Variants in RADIL observed in about 807,000 individuals in gnomAD.
The protein encoded by RADIL is Rap associating with DIL domain, also known as ras-associating and dilute domain-containing protein.
In RADIL, 99 loss-of-function variants were observed where a neutral mutation model predicts 97.6. The ratio of observed to expected loss-of-function variants is 1.01; its 90% CI spans 0.86 to 1.20. RADIL has a LOEUF of 1.20. Ranked by LOEUF, RADIL falls within the 50% of genes most tolerant of loss-of-function variation. The pLI is 0.00. For synonymous variants in RADIL, 803 were observed against 691.8 expected, an observed-to-expected ratio of 1.16 and a Z score of -2.52; for missense variants, 1,765 against 1,498.9, an observed-to-expected ratio of 1.18 and a Z score of -2.93.
rs915180074 is a variant in RADIL, at chr7:4,840,860, G to C, written c.536-4255C>G. Among the ~76,000 whole-genome samples, 5 of 152,144 alleles carry C rather than the reference G, an allele frequency of 3.3e-5. No homozygotes were observed. Among genetic ancestry groups the C allele is most frequent in the Non-Finnish European group, 7.4e-5 (5 of 68,024 alleles). ...TGGGCGCCTGTAGTCCCGGCTACTC[G>C]AGAGGCTGAGGCAGGAGAATGGCTT... On this transcript the variant is annotated intron_variant, in intron 2 of 14. Transcript: ENST00000399583. The surrounding 1 kb of genome is among the most constrained non-coding windows in gnomAD (Gnocchi z 5.6).
chr7:4,862,096 C>G (rs1042576789), intron 2 of RADIL: 1 of 355,178 alleles, frequency 2.8e-6, no homozygotes, highest in Non-Finnish European at 5.0e-6. Flanking sequence ...CCACAGCGTT[C>G]TGGGCTGGGG....
chr7:4,866,352 T>A (rs1171620690), intron 2 of RADIL, among the ~76,000 whole-genome samples: 1 of 152,208 alleles, frequency 6.6e-6, no homozygotes. Flanking sequence ...CATTTATTTA[T>A]AAATCCATGA....
At chr7:4,845,027 A>G (rs958873627) in intron 2 of RADIL, among the ~76,000 whole-genome samples, 1 of 140,454 alleles carries the variant, frequency 7.1e-6, no homozygotes, top group Non-Finnish European at 1.5e-5. Context: ...GGGTGTTAGA[A>G]TTTGACCTAC....
chr7:4,856,556 T>C (rs923722024), intron 2 of RADIL, among the ~76,000 whole-genome samples: 7 of 152,364 alleles, frequency 4.6e-5, no homozygotes, highest in Admixed American at 4.6e-4. Flanking sequence ...CATTATCTGA[T>C]GAACAAAATC....
At chr7:4,832,061 C>T (rs1334050714) in intron 5 of RADIL, 80 bp downstream of exon 5, 102 of 1,485,540 alleles carry the variant, frequency 6.9e-5, no homozygotes, top group Non-Finnish European at 8.6e-5. Context: ...GGAGACCCCT[C>T]GGGACTTGGC....
chr7:4,879,037 G>T lies in RADIL; in HGVS notation c.-64-834C>A, dbSNP rs764078910. ...ATCTACCCCTCAGGGCAAGAGACCC[G>T]TCCTGGCTTGAAGGAGATACTCCCT... On this transcript the variant is annotated intron_variant, in intron 1 of 14. Transcript: ENST00000399583. This position sits in a 1 kb window ranked among gnomAD's most constrained non-coding sequence, Gnocchi z 4.1. Among the ~76,000 whole-genome samples, 1 of 152,198 alleles carries T rather than the reference G, an allele frequency of 6.6e-6. No individual in the cohort carries two copies. The highest frequency in any genetic ancestry group is 2.4e-5 in the African/African-American group (1 of 41,446).
Position 4,845,066 on chromosome 7 carries a change from G to A in RADIL, c.536-8461C>T, listed in dbSNP as rs138689955. On this transcript the variant is annotated intron_variant, in intron 2 of 14. Coordinates refer to ENST00000399583, the MANE Select transcript of RADIL (RefSeq NM_018059.5). ...GGAAAAAAAAAAGGAAGAAAGAAGC[G>A]AGAGGTGTCCTGTATATGAAAATTA... Among the ~76,000 whole-genome samples, 82 of 151,894 alleles carry A rather than the reference G, an allele frequency of 5.4e-4. No homozygotes were observed. The East Asian group carries it at 0.011, about 20-fold the overall frequency.
rs1782084599 is a variant in RADIL, at chr7:4,801,555, C to G, written c.2842+98G>C. On this transcript the variant is annotated intron_variant, in intron 12 of 14. Transcript: ENST00000399583. ...GGTGTCTGTGGGGCAGGTAAGGAAA[C>G]CTAGGACCCAAGGGGGGAACGATCC... 3 of 1,341,836 alleles carry G rather than the reference C, an allele frequency of 2.2e-6. No individual in the cohort carries two copies. In the South Asian group the frequency reaches 4.0e-5, roughly 18 times the overall value. The allele number at this position is 1,341,836 out of a possible 1,614,324, so 83.1% of individuals were successfully genotyped here. A position where few individuals can be genotyped will look rare whatever the true frequency, so the allele number is the denominator to read the frequency against.
chr7:4,815,780 C>T lies in RADIL; in HGVS notation c.1967-330G>A, dbSNP rs1334039523. Among the ~76,000 whole-genome samples, 2 of 152,130 alleles carry T rather than the reference C, an allele frequency of 1.3e-5. No homozygotes were observed. Among genetic ancestry groups the T allele is most frequent in the Non-Finnish European group, 1.5e-5 (1 of 68,022 alleles). On this transcript the variant is annotated intron_variant, in intron 8 of 14. Coordinates refer to ENST00000399583, the MANE Select transcript of RADIL (RefSeq NM_018059.5). The surrounding 1 kb of genome is among the most constrained non-coding windows in gnomAD (Gnocchi z 8.0). The stretch of plus-strand genomic sequence containing the variant: ...CCCCCACCTGGGTCTCCCCACGCCC[C>T]ACAGTGGCCCTGGCTGGGAGTGGCC...
chr7:4,800,866 G>A (rs931866018), intron 12 of RADIL, among the ~76,000 whole-genome samples: 3 of 152,168 alleles, frequency 2.0e-5, no homozygotes, highest in African/African-American at 4.8e-5. Context: ...TTGGCCAGGT[G>A]GCCCCAAGCC....
Position 4,805,659 on chromosome 7 carries a change from G to T in RADIL, c.2197C>A (p.Arg733=). Residue 733 remains arginine (R), a synonymous_variant, in exon 10 of 15, where the codon CGG becomes AGG. Coordinates refer to ENST00000399583, the MANE Select transcript of RADIL (RefSeq NM_018059.5). The part of the protein sequence containing the change: ...FPALSPAQLH[R]LLTHYQLASA... ...GCCAGCTGGTAGTGAGTCAGCAGCC[G>T]GTGCAGCTGTGCTGGGCTCAGTGCG... is the stretch of plus-strand genomic sequence containing the variant. 6.2e-7 allele frequency: 1 copy of T among 1,611,746 alleles called. No homozygotes were observed.
At position 4,842,704 on chromosome 7, in the gene RADIL, G is replaced by A. The variant is rs1324986057; in HGVS notation, c.536-6099C>T. Among the ~76,000 whole-genome samples, 2 of 152,126 alleles carry A rather than the reference G, an allele frequency of 1.3e-5. No homozygotes were observed. Among genetic ancestry groups the A allele is most frequent in the South Asian group, 2.1e-4 (1 of 4,826 alleles). On this transcript the variant is annotated intron_variant, in intron 2 of 14. Coordinates refer to ENST00000399583, the MANE Select transcript of RADIL (RefSeq NM_018059.5). This position sits in a 1 kb window ranked among gnomAD's most constrained non-coding sequence, Gnocchi z 4.5. The stretch of plus-strand genomic sequence containing the variant: ...TCCCTCCCTGGCTCTTGATGGTTTG[G>A]AATAATGATATATACAACTTGGAAC...
chr7:4,853,275 A>G (rs1004097603), intron 2 of RADIL, among the ~76,000 whole-genome samples: 2 of 152,210 alleles, frequency 1.3e-5, no homozygotes, highest in African/African-American at 4.8e-5. Flanking sequence ...TTGTATGACA[A>G]AAGAGATATT....
At chr7:4,851,213 AAAAAGAAAAG>A (rs375776305) in intron 2 of RADIL, among the ~76,000 whole-genome samples, 2 of 152,076 alleles carry the variant, frequency 1.3e-5, no homozygotes, top group Non-Finnish European at 2.9e-5. Flanking sequence ...AAAAAAAGAA[AAAAAGAAAAG>A]AAAAGAAAAG....
In RADIL at chr7:4,817,216, A is replaced by G. The variant is rs1263696160; in HGVS notation, c.1728+23T>C. The G allele has an allele frequency of 5.0e-6, 8 of 1,593,892 alleles. No individual in the cohort carries two copies. Among genetic ancestry groups the G allele is most frequent in the Non-Finnish European group, 6.9e-6 (8 of 1,166,122 alleles). On this transcript the variant is annotated intron_variant, in intron 7 of 14. Coordinates refer to ENST00000399583, the MANE Select transcript of RADIL (RefSeq NM_018059.5). This position sits in a 1 kb window ranked among gnomAD's most constrained non-coding sequence, Gnocchi z 8.3. ...TTGATCCCAGGAGCTGCCTGAGTGC[A>G]GAAGCAGAGCCCGTCCGTGCACCTT... is the stretch of plus-strand genomic sequence containing the variant.
In RADIL at chr7:4,802,985, G is replaced by A. The variant is rs1230782223; in HGVS notation, c.2499+561C>T. On this transcript the variant is annotated intron_variant, in intron 11 of 14. Transcript: ENST00000399583. ...GGGGGGCCCCCTCCCCGGGTACCTC[G>A]GGGCACTCTGGCTGGGCCCCCTCCC... Among the ~76,000 whole-genome samples, 5 of 78,952 alleles carry A rather than the reference G, an allele frequency of 6.3e-5. 1 individual carries two copies. Among genetic ancestry groups the A allele is most frequent in the Non-Finnish European group, 9.1e-5 (4 of 43,860 alleles). 51.8% of individuals were successfully genotyped at this position (78,952 alleles called of 152,430 possible). A position where few individuals can be genotyped will look rare whatever the true frequency, so the allele number is the denominator to read the frequency against.
chr7:4,851,693 T>G (rs531507157), intron 2 of RADIL, among the ~76,000 whole-genome samples: 5 of 146,246 alleles, frequency 3.4e-5, no homozygotes, highest in Non-Finnish European at 2.9e-5. Context: ...GCTGCCTGGT[T>G]TCTTCTTGCT....
chr7:4,878,801 A>G lies in RADIL; in HGVS notation c.-64-598T>C, dbSNP rs10267750. Among the ~76,000 whole-genome samples, 14,153 of 152,244 alleles carry G rather than the reference A, an allele frequency of 0.093. 1,136 individuals carry two copies. The highest frequency in any genetic ancestry group is 0.21 in the African/African-American group (8,901 of 41,538). ...TGCAGTGAGCATCAAGGAGCGCCCC[A>G]CCCGGAGCCGGCCCCAGCACCATCA... is the stretch of plus-strand genomic sequence containing the variant. On this transcript the variant is annotated intron_variant, in intron 1 of 14. Transcript: ENST00000399583. The surrounding 1 kb of genome is among the most constrained non-coding windows in gnomAD (Gnocchi z 4.1).
rs1783250534 is a variant in RADIL, at chr7:4,834,862, C to T, written c.1161G>A (p.Gly387=). ...GAGTAGGGGAGGCGGCTCCCCGGGC[C>T]CCGAGCGCGGCCCCGCACAGCCGGC... ...QSCRLCGAAL[G]ARGAASPTQA... Residue 387 remains glycine, a synonymous_variant, in exon 4 of 15, where the codon GGG becomes GGA. Transcript: ENST00000399583. This position sits in a 1 kb window ranked among gnomAD's most constrained non-coding sequence, Gnocchi z 6.0. The T allele has an allele frequency of 7.5e-7, 1 of 1,328,550 alleles. No homozygotes were observed. Among genetic ancestry groups the T allele is most frequent in the Admixed American group, 4.1e-5 (1 of 24,406 alleles). The allele number at this position is 1,328,550 out of a possible 1,614,324, so 82.3% of individuals were successfully genotyped here. A position where few individuals can be genotyped will look rare whatever the true frequency, so the allele number is the denominator to read the frequency against.
Sources: allele counts gnomAD v4.1 joint callset (sites outside exome capture counted in the v4.1 genomes callset), GRCh38; gene constraint gnomAD v4.1.1; non-coding constraint Gnocchi (gnomAD v3.1); transcripts MANE v1.5; gene names NCBI Gene and HGNC (gene_info 2026-07-23, HGNC 2026-07-21).